The following MYO3B variants were observed in gnomAD, a reference collection of about 807,000 sequenced individuals.
MYO3B encodes myosin-IIIb.
Under a neutral mutation model 174.6 loss-of-function variants are expected in MYO3B, and 156 were observed. The ratio of observed to expected loss-of-function variants is 0.89; its 90% CI spans 0.78 to 1.02. The LOEUF (loss-of-function observed/expected upper bound fraction) is 1.02, where lower values mean the gene tolerates loss of function less well. MYO3B is among the 50% of genes least tolerant of loss of function. The pLI is 0.00. For synonymous variants in MYO3B, 563 were observed against 569.1 expected (o/e 0.99, Z 0.15); for missense variants, 1,632 against 1,639.4 (o/e 1.00, Z 0.08).
intron 18 of MYO3B, among the ~76,000 whole-genome samples, chr2:170,401,934 C>G (rs1344802267): frequency 1.3e-5 from 2 of 151,792 alleles, no homozygotes; most frequent in African/African-American, 4.8e-5. Flanking sequence ...TCTTGAGTAG[C>G]TGGGATTACA....
chr2:170,459,209 G>C (rs1006209891), intron 23 of MYO3B, among the ~76,000 whole-genome samples: 7 of 152,174 alleles, frequency 4.6e-5, no homozygotes, highest in Non-Finnish European at 7.3e-5. Flanking sequence ...TGCCACTGCT[G>C]GCTCTGGCAG....
chr2:170,564,337 A>G (rs1183360805), intron 32 of MYO3B, among the ~76,000 whole-genome samples: 2 of 152,066 alleles, frequency 1.3e-5, no homozygotes, highest in Admixed American at 6.6e-5. Context: ...GCCAGGTGTG[A>G]TGGTACATGC....
intron 32 of MYO3B, among the ~76,000 whole-genome samples, chr2:170,591,875 A>G (rs1047110573): frequency 6.6e-6 from 1 of 152,248 alleles, no homozygotes; most frequent in African/African-American, 2.4e-5. Context: ...ATCTAGAACC[A>G]GCTGCAAATG....
chr2:170,448,774 C>T (rs1237424822), intron 23 of MYO3B, among the ~76,000 whole-genome samples: 1 of 143,702 alleles, frequency 7.0e-6, no homozygotes, highest in Non-Finnish European at 1.5e-5. Flanking sequence ...GAACAACTAA[C>T]AACAGGTGTG....
intron 7 of MYO3B, among the ~76,000 whole-genome samples, chr2:170,250,378 T>C (rs2105328846): frequency 6.6e-6 from 1 of 152,348 alleles, no homozygotes; most frequent in East Asian, 1.9e-4. Flanking sequence ...GAGGCCACTG[T>C]CTTAAACCAG....
At chr2:170,479,798 A>T (rs1685565461) in intron 25 of MYO3B, among the ~76,000 whole-genome samples, 1 of 148,270 alleles carries the variant, frequency 6.7e-6, no homozygotes, top group South Asian at 2.1e-4. Context: ...AGAACTAAAT[A>T]TATTAGTATA....
intron 7 of MYO3B, among the ~76,000 whole-genome samples, chr2:170,282,847 G>GGCT (rs1266715986): frequency 5.3e-5 from 8 of 152,124 alleles, no homozygotes; most frequent in African/African-American, 1.9e-4. Flanking sequence ...TGCTATCGGT[G>GGCT]ATAGCCACCT....
chr2:170,381,835 T>G (rs1432955454), intron 9 of MYO3B, among the ~76,000 whole-genome samples, 181 bp from the exon 10 acceptor site: 2 of 152,218 alleles, frequency 1.3e-5, no homozygotes, highest in Non-Finnish European at 2.9e-5. Flanking sequence ...GGAGATCACT[T>G]TATCCCAATA....
rs148424965 is a variant in MYO3B at position 170,585,123 on chromosome 2, A to G, written c.3733+41135A>G. Among the ~76,000 whole-genome samples the G allele has an allele frequency of 2.0e-4, 30 of 152,338 alleles. No homozygotes were observed. In the South Asian group the frequency reaches 2.5e-3, roughly 13 times the overall value. On this transcript the variant is annotated intron_variant, in intron 32 of 34. Coordinates refer to ENST00000408978, the MANE Select transcript of MYO3B (RefSeq NM_138995.5). ...GGGGTGTGGCCTGGCCATTGGGATT[A>G]TTTTAAAGTTCTCCAGATGACTCTA...
intron 8 of MYO3B, among the ~76,000 whole-genome samples, chr2:170,364,149 G>T (rs2094181480): frequency 6.6e-6 from 1 of 152,062 alleles, no homozygotes; most frequent in African/African-American, 2.4e-5. Flanking sequence ...TGAGGACTCT[G>T]GTGTCCATTC....
chr2:170,328,886 C>G (rs974202540), intron 7 of MYO3B, among the ~76,000 whole-genome samples: 6 of 151,878 alleles, frequency 4.0e-5, no homozygotes, highest in African/African-American at 1.5e-4. Flanking sequence ...AAATTAAGGC[C>G]GGGTGCGGTG....
intron 32 of MYO3B, chr2:170,601,616 A>G: frequency 8.2e-7 from 1 of 1,216,986 alleles, no homozygotes. Flanking sequence ...CAACTTATTC[A>G]TCATCATCTT....
chr2:170,242,005 G>A (rs1339733532), intron 7 of MYO3B, among the ~76,000 whole-genome samples: 4 of 152,104 alleles, frequency 2.6e-5, no homozygotes, highest in Admixed American at 1.3e-4. Context: ...TTTTCCTTTA[G>A]GGCTGTGAAA....
intron 7 of MYO3B, among the ~76,000 whole-genome samples, chr2:170,272,082 CT>C (rs202163461): frequency 5.4e-5 from 8 of 147,322 alleles, no homozygotes; most frequent in African/African-American, 2.0e-4. Context: ...AGAAGGGAAA[CT>C]TTTTTTTTTT....
At chr2:170,393,940 T>A (rs2094430003) in intron 16 of MYO3B, among the ~76,000 whole-genome samples, 1 of 152,158 alleles carries the variant, frequency 6.6e-6, no homozygotes, top group Non-Finnish European at 1.5e-5. Flanking sequence ...ACAGGTTTTT[T>A]AAATCAAAGA....
chr2:170,617,697 ATC>A (rs1320155976), intron 32 of MYO3B, among the ~76,000 whole-genome samples: 1 of 152,204 alleles, frequency 6.6e-6, no homozygotes, highest in African/African-American at 2.4e-5. Flanking sequence ...AAGGAGTTAA[ATC>A]TACGATATAA....
intron 32 of MYO3B, among the ~76,000 whole-genome samples, chr2:170,615,307 C>T (rs755199388): frequency 1.3e-5 from 2 of 152,210 alleles, no homozygotes; most frequent in Non-Finnish European, 2.9e-5. Context: ...TCCCTGGCCT[C>T]ATGGAGCTGA....
chr2:170,613,087 C>T (rs920823075), intron 32 of MYO3B, among the ~76,000 whole-genome samples: 1 of 152,172 alleles, frequency 6.6e-6, no homozygotes, highest in Non-Finnish European at 1.5e-5. Flanking sequence ...CTCTCACCAC[C>T]CACCTGGAGC....
At chr2:170,628,929 G>A (rs13399846) in intron 32 of MYO3B, among the ~76,000 whole-genome samples, 9,471 of 152,118 alleles carry the variant, frequency 0.062, 990 homozygotes, top group African/African-American at 0.21. Context: ...CATGACTCAA[G>A]TGTCATGTTT....
Sources: allele counts gnomAD v4.1 joint callset (sites outside exome capture counted in the v4.1 genomes callset), GRCh38; gene constraint gnomAD v4.1.1; transcripts MANE v1.5; gene names NCBI Gene and HGNC (gene_info 2026-07-23, HGNC 2026-07-21).